The following GOLGA4 variants were observed in gnomAD, a reference collection of about 807,000 sequenced individuals.
GOLGA4 encodes golgin A4.
In GOLGA4, 169 loss-of-function variants were observed where a neutral mutation model predicts 265.9. That is an observed-to-expected ratio of 0.64 (90% CI 0.56 to 0.72). The LOEUF (loss-of-function observed/expected upper bound fraction) is 0.72, where lower values mean the gene tolerates loss of function less well. Ranked by LOEUF, GOLGA4 falls within the 30% of genes least tolerant of loss-of-function variation. The pLI is 0.00. For missense variants in GOLGA4, 2,482 were observed against 2,483.4 expected, an observed-to-expected ratio of 1.00 and a Z score of 0.01; for synonymous variants, 923 against 855.8, an observed-to-expected ratio of 1.08 and a Z score of -1.37.
rs182159192 is a variant in GOLGA4, at chr3:37,319,099, C to T, written c.1450C>T (p.Leu484Phe). 1 of 1,607,972 alleles carries T rather than the reference C, an allele frequency of 6.2e-7. No individual in the cohort carries two copies. The highest frequency in any genetic ancestry group is 1.3e-5 in the African/African-American group (1 of 74,528). ...SEEQIAKLQK[L>F]HEKELARKEQ... is the part of the protein sequence containing the mutation. ...AGAACAAATTGCTAAGCTACAGAAG[C>T]TTCATGAAAAGGAGCTGGCCAGAAA... Residue 484 changes from leucine to phenylalanine, a missense_variant, in exon 12 of 24, where the codon CTT (leucine) becomes TTT (phenylalanine). By Grantham distance (22) the Leu-to-Phe change is conservative (BLOSUM62 0). Coordinates refer to ENST00000361924, the MANE Select transcript of GOLGA4 (RefSeq NM_002078.5).
chr3:37,328,890 T>G, intron 15 of GOLGA4, 73 bp from the exon 16 acceptor site: 1 of 1,191,014 alleles, frequency 8.4e-7, no homozygotes, highest in Non-Finnish European at 1.2e-6. Flanking sequence ...TGAGAGTTGT[T>G]ACTGAAATTG....
chr3:37,317,884 G>A (rs1246104755), intron 11 of GOLGA4, among the ~76,000 whole-genome samples: 1 of 150,916 alleles, frequency 6.6e-6, no homozygotes, highest in Non-Finnish European at 1.5e-5. Context: ...TTTGTTATTT[G>A]TTGACTTTAT....
intron 9 of GOLGA4, 93 bp from the exon 10 acceptor site, chr3:37,302,091 CG>C (rs1469266142): frequency 7.5e-6 from 8 of 1,065,788 alleles, no homozygotes; most frequent in African/African-American, 3.2e-5. Flanking sequence ...GCACCATGCC[CG>C]GCCTTTTTCT....
chr3:37,245,894 T>C (rs1057263880), intron 1 of GOLGA4, among the ~76,000 whole-genome samples: 1 of 152,188 alleles, frequency 6.6e-6, no homozygotes, highest in African/African-American at 2.4e-5. Context: ...AATTATTTTG[T>C]AACCTTTCTT....
chr3:37,366,090 G>T lies in GOLGA4; in HGVS notation c.*44G>T, dbSNP rs1480796976. On this transcript the variant is annotated 3_prime_UTR_variant, in exon 24 of 24. Coordinates refer to ENST00000361924, the MANE Select transcript of GOLGA4 (RefSeq NM_002078.5). The stretch of plus-strand genomic sequence containing the variant: ...CTTTTTCTTTTCCAGTCATGGCTCC[G>T]ATCTTCATCTTGAAGAAGAGTGACA... The T allele has an allele frequency of 5.2e-6, 8 of 1,527,294 alleles. No homozygotes were observed. In the Admixed American group the frequency reaches 1.6e-4, roughly 30 times the overall value. The allele number at this position is 1,527,294 out of a possible 1,614,324, so 94.6% of individuals were successfully genotyped here.
chr3:37,244,802 TG>T (rs1197849211), intron 1 of GOLGA4, among the ~76,000 whole-genome samples: 4 of 152,242 alleles, frequency 2.6e-5, no homozygotes, highest in African/African-American at 9.6e-5. Flanking sequence ...CAAGTGCAAA[TG>T]GTAATTAAAA....
At chr3:37,319,374 A>G (rs1578672955) in intron 12 of GOLGA4, 180 bp downstream of exon 12, 1 of 423,458 alleles carries the variant, frequency 2.4e-6, no homozygotes, top group East Asian at 3.9e-5. Flanking sequence ...ATTGTGTGAA[A>G]ATTAAATTTA....
chr3:37,275,907 CCT>C, intron 2 of GOLGA4: 1 of 1,613,704 alleles, frequency 6.2e-7, no homozygotes, highest in Non-Finnish European at 8.5e-7. Flanking sequence ...CTCATCAAAT[CCT>C]GGAAAAAATT....
At chr3:37,364,565 A>T (rs1696598838) in intron 23 of GOLGA4, among the ~76,000 whole-genome samples, 1 of 149,008 alleles carries the variant, frequency 6.7e-6, no homozygotes, top group Non-Finnish European at 1.5e-5. Flanking sequence ...GAGAAACATT[A>T]TGAGGAAGAC....
intron 2 of GOLGA4, among the ~76,000 whole-genome samples, chr3:37,259,900 C>T (rs545959828): frequency 6.6e-6 from 1 of 152,104 alleles, no homozygotes; most frequent in African/African-American, 2.4e-5. Context: ...TGTAGTAAAA[C>T]TATCTATATA....
At chr3:37,357,991 C>T (rs1021631283) in intron 22 of GOLGA4, among the ~76,000 whole-genome samples, 1 of 152,118 alleles carries the variant, frequency 6.6e-6, no homozygotes, top group African/African-American at 2.4e-5. Flanking sequence ...CTATTAAAAT[C>T]AGCAACCCTA....
intron 8 of GOLGA4, 61 bp downstream of exon 8, chr3:37,299,081 C>G: frequency 7.3e-7 from 1 of 1,371,528 alleles, no homozygotes; most frequent in African/African-American, 1.5e-5. Context: ...ACAGGCTCCA[C>G]AGCATGGCTT....
Position 37,263,695 on chromosome 3 carries a change from A to G in GOLGA4, c.162+12211A>G, listed in dbSNP as rs1402663202. 3.9e-5 allele frequency among the ~76,000 whole-genome samples: 6 copies of G among 152,286 alleles called. No homozygotes were observed. In the South Asian group the frequency reaches 1.2e-3, roughly 32 times the overall value. On this transcript the variant is annotated intron_variant, in intron 2 of 23. Transcript: ENST00000361924. ...CACTAATTTTGATATACTTTGATAT[A>G]CACACGCATATATATATGAGAGTAT... is the stretch of plus-strand genomic sequence containing the variant.
rs1578410388 is a variant in GOLGA4 at position 37,266,284 on chromosome 3, C to T, written c.162+14800C>T. Among the ~76,000 whole-genome samples, 10 of 152,180 alleles carry T rather than the reference C, an allele frequency of 6.6e-5. No individual in the cohort carries two copies. In the South Asian group the frequency reaches 2.1e-3, roughly 32 times the overall value. On this transcript the variant is annotated intron_variant, in intron 2 of 23. Coordinates refer to ENST00000361924, the MANE Select transcript of GOLGA4 (RefSeq NM_002078.5). ...GCACGATCTCGGCTCACTGCAACCT[C>T]CGCCTCCCAGGTTCAAGCGATTCTC...
chr3:37,326,464 A>C lies in GOLGA4; in HGVS notation c.4578A>C (p.Arg1526Ser), dbSNP rs757599217. The C allele has an allele frequency of 6.2e-7, 1 of 1,610,496 alleles. No homozygotes were observed. The highest frequency in any genetic ancestry group is 1.1e-5 in the South Asian group (1 of 90,222). The change falls in exon 14 of 24, where the codon AGA becomes AGC. Residue 1526 changes from arginine (R) to serine (S), a missense_variant. Physicochemically the swap from Arg to Ser is moderately radical, Grantham distance 110 (BLOSUM62 -1). Coordinates refer to ENST00000361924, the MANE Select transcript of GOLGA4 (RefSeq NM_002078.5). ...LETELKSQTA[R>S]IMELEDHITQ... The stretch of plus-strand genomic sequence containing the variant: ...CAGAGTTAAAGTCTCAAACAGCAAG[A>C]ATTATGGAATTAGAGGACCATATTA...
At chr3:37,335,228 A>C (rs1233356441) in intron 17 of GOLGA4, 62 bp downstream of exon 17, 1 of 854,468 alleles carries the variant, frequency 1.2e-6, no homozygotes, top group Admixed American at 2.1e-5. Context: ...CTGTGATTTG[A>C]CTAGCCTACT....
At chr3:37,355,956 TTC>T (rs1272133774) in intron 22 of GOLGA4, among the ~76,000 whole-genome samples, 3 of 152,066 alleles carry the variant, frequency 2.0e-5, no homozygotes, top group Non-Finnish European at 2.9e-5. Context: ...ACTGGTTTTA[TTC>T]TCTCTCTCCT....
chr3:37,324,152 G>T lies in GOLGA4; in HGVS notation c.2266G>T (p.Asp756Tyr). The T allele has an allele frequency of 6.2e-7, 1 of 1,614,054 alleles. No homozygotes were observed. Among genetic ancestry groups the T allele is most frequent in the Non-Finnish European group, 8.5e-7 (1 of 1,179,942 alleles). The change falls in exon 14 of 24, where the codon GAT becomes TAT. Residue 756 changes from aspartate to tyrosine, a missense_variant. Coordinates refer to ENST00000361924, the MANE Select transcript of GOLGA4 (RefSeq NM_002078.5). The part of the protein sequence containing the change: ...SIQRTEKALK[D>Y]QINQLELLLK... Reference sequence around the variant, plus strand: ...CCAGAGGACTGAGAAGGCATTAAAAGATCAAATTAATCAACTTGAGCTTCT... The same window carrying T: ...CCAGAGGACTGAGAAGGCATTAAAATATCAAATTAATCAACTTGAGCTTCT...
chr3:37,273,569 A>C (rs780620771), intron 2 of GOLGA4: 59 of 1,511,532 alleles, frequency 3.9e-5, no homozygotes, highest in Non-Finnish European at 7.1e-6. Context: ...ATCTCCTGAC[A>C]GTGTTAATGG....
Sources: allele counts gnomAD v4.1 joint callset (sites outside exome capture counted in the v4.1 genomes callset), GRCh38; gene constraint gnomAD v4.1.1; transcripts MANE v1.5; gene names NCBI Gene and HGNC (gene_info 2026-07-23, HGNC 2026-07-21).